The following RNF212B variants were observed in gnomAD, a reference collection of about 807,000 sequenced individuals.
The protein encoded by RNF212B is ring finger protein 212B.
A neutral mutation model predicts 55.5 loss-of-function variants in RNF212B; 52 were observed. That is an observed-to-expected ratio of 0.94 (90% CI 0.75 to 1.18). The LOEUF (loss-of-function observed/expected upper bound fraction) is 1.18, where lower values mean the gene tolerates loss of function less well. RNF212B is among the 50% of genes most tolerant of loss of function. The probability of loss-of-function intolerance (pLI) is 0.00; values close to 1 mark genes in which losing one functional copy is unlikely to be tolerated. For synonymous variants in RNF212B, 99 were observed against 121.4 expected, an observed-to-expected ratio of 0.82 and a Z score of 1.21; for missense variants, 289 against 350.4, an observed-to-expected ratio of 0.82 and a Z score of 1.40.
chr14:23,243,717 A>AAAAAAAAAAAGC (rs1566424491), intron 3 of RNF212B, among the ~76,000 whole-genome samples: 1 of 116,822 alleles, frequency 8.6e-6, no homozygotes, highest in African/African-American at 3.9e-5. Context: ...AAAAAAAAAA[A>AAAAAAAAAAAGC]AAGCAAGCAA....
In RNF212B at chr14:23,191,854, T is replaced by C. The variant is rs1199515955; in HGVS notation, c.-78-1471T>C. On this transcript the variant is annotated intron_variant, in intron 1 of 15. Coordinates refer to the RNF212B transcript ENST00000399910. ...TAGAAGGCACTCGACAAATACATAC[T>C]TATTCGATATTCATTGTATATTGAA... Among the ~76,000 whole-genome samples the C allele has an allele frequency of 7.2e-5, 11 of 152,384 alleles. No homozygotes were observed. The South Asian group carries it at 1.7e-3, about 23-fold the overall frequency.
intron 2 of RNF212B, among the ~76,000 whole-genome samples, chr14:23,193,781 A>G (rs1878358613): frequency 6.6e-6 from 1 of 151,576 alleles, no homozygotes; most frequent in Admixed American, 6.6e-5. Flanking sequence ...TGGAAAGAGA[A>G]GAAGAGTGGG....
chr14:23,202,199 C>A (rs1023188692), intron 2 of RNF212B, among the ~76,000 whole-genome samples: 1 of 150,328 alleles, frequency 6.7e-6, no homozygotes, highest in Non-Finnish European at 1.5e-5. Context: ...TGCAGTGAGC[C>A]GAGATTGCGC....
chr14:23,188,683 T>C (rs981743197), intron 1 of RNF212B, among the ~76,000 whole-genome samples: 1 of 152,100 alleles, frequency 6.6e-6, no homozygotes, highest in Non-Finnish European at 1.5e-5. Flanking sequence ...TTACCCAGGC[T>C]GATCTCAAAG....
chr14:23,236,433 T>C (rs942196896), upstream of RNF212B, among the ~76,000 whole-genome samples: 13 of 152,022 alleles, frequency 8.6e-5, no homozygotes, highest in Admixed American at 3.3e-4. Context: ...GAGAATCGCT[T>C]GAACCCAGGA....
intron 2 of RNF212B, among the ~76,000 whole-genome samples, chr14:23,230,928 G>A (rs1441099251): frequency 6.6e-6 from 1 of 152,138 alleles, no homozygotes; most frequent in Admixed American, 6.6e-5. Context: ...ACTGACCATA[G>A]ATGTGAGGGT....
rs546747026 is a variant in RNF212B at position 23,263,715 on chromosome 14, T to C, written c.525-459T>C. On this transcript the variant is annotated intron_variant, in intron 9 of 14. Coordinates refer to ENST00000430154, the MANE Select transcript of RNF212B (RefSeq NM_001282322.3). Reference sequence around the variant, plus strand: ...GGTGTTTTCCTCCCATCAATCCAGCTTCGGAGACTTTCTATTAGTGACATG... The same window carrying C: ...GGTGTTTTCCTCCCATCAATCCAGCCTCGGAGACTTTCTATTAGTGACATG... Among the ~76,000 whole-genome samples the C allele has an allele frequency of 7.2e-5, 11 of 152,246 alleles. No homozygotes were observed. The East Asian group carries it at 1.9e-3, about 27-fold the overall frequency.
At chr14:23,243,403 A>G in intron 3 of RNF212B, 95 bp downstream of exon 3, 1 of 1,199,796 alleles carries the variant, frequency 8.3e-7, no homozygotes, top group Non-Finnish European at 1.2e-6. Flanking sequence ...TTTCAAAAAG[A>G]AAGAAAAGAA....
At chr14:23,220,427 G>T (rs1017620110) in intron 2 of RNF212B, among the ~76,000 whole-genome samples, 2 of 152,088 alleles carry the variant, frequency 1.3e-5, no homozygotes, top group Non-Finnish European at 2.9e-5. Flanking sequence ...AGCTACTTGG[G>T]AGGCTGAGAC....
At position 23,272,919 on chromosome 14, in the gene RNF212B, G is replaced by GC; in HGVS notation, c.*29dup. On this transcript the variant is annotated 3_prime_UTR_variant, in exon 15 of 15. Transcript: ENST00000430154. ...CATCTTCAAGATCTGATCTATACAT[G>GC]CTGCTGAAGGATGGACTGTAGCTTC... The GC allele has an allele frequency of 7.4e-7, 1 of 1,355,010 alleles. No individual in the cohort carries two copies. Among genetic ancestry groups the GC allele is most frequent in the Non-Finnish European group, 1.0e-6 (1 of 985,578 alleles). The allele number at this position is 1,355,010 out of a possible 1,614,324, so 83.9% of individuals were successfully genotyped here.
intron 2 of RNF212B, among the ~76,000 whole-genome samples, chr14:23,216,259 CA>C (rs1455892715): frequency 2.0e-5 from 3 of 151,552 alleles, no homozygotes; most frequent in Non-Finnish European, 2.9e-5. Context: ...AAAACAAAAA[CA>C]AAACAAAACA....
chr14:23,192,148 G>A (rs11158038), intron 1 of RNF212B, among the ~76,000 whole-genome samples: 147,528 of 149,550 alleles, frequency 0.99, 72,793 homozygotes, highest in East Asian at 1. Context: ...AGGATCTAGA[G>A]CTAGAAATAC....
chr14:23,193,322 C>T (rs1418409279), intron 1 of RNF212B: 3 of 152,056 alleles, frequency 2.0e-5, no homozygotes, highest in Admixed American at 6.6e-5. Context: ...TGTTCTTTTT[C>T]AGAAAGCTGT....
At chr14:23,224,863 G>A (rs897860709) in intron 2 of RNF212B, among the ~76,000 whole-genome samples, 2 of 151,998 alleles carry the variant, frequency 1.3e-5, no homozygotes, top group African/African-American at 2.4e-5. Flanking sequence ...ATCTGACAAG[G>A]GATTAATAAC....
intron 11 of RNF212B, among the ~76,000 whole-genome samples, chr14:23,268,311 C>A (rs1237632029): frequency 6.6e-6 from 1 of 152,174 alleles, no homozygotes; most frequent in East Asian, 1.9e-4. Flanking sequence ...TGTTGGGTTT[C>A]ATCATGAGCA....
intron 2 of RNF212B, among the ~76,000 whole-genome samples, chr14:23,229,259 T>TAC (rs1555314100): frequency 5.7e-5 from 7 of 122,488 alleles, no homozygotes; most frequent in Non-Finnish European, 8.8e-5. Context: ...TATATATATA[T>TAC]ATACCACATT....
intron 2 of RNF212B, among the ~76,000 whole-genome samples, chr14:23,199,655 T>C (rs1011042437): frequency 2.6e-5 from 4 of 152,244 alleles, no homozygotes; most frequent in African/African-American, 9.6e-5. Context: ...CGAACGAAGA[T>C]TTTTAGCAGG....
At chr14:23,210,974 CT>C (rs1880452086) in intron 2 of RNF212B, among the ~76,000 whole-genome samples, 1 of 151,846 alleles carries the variant, frequency 6.6e-6, no homozygotes, top group African/African-American at 2.4e-5. Flanking sequence ...AACAAATTCA[CT>C]TTGGGAGGCC....
At chr14:23,237,668 A>G (rs943182035), upstream of RNF212B, among the ~76,000 whole-genome samples, 2 of 152,072 alleles carry the variant, frequency 1.3e-5, no homozygotes, top group African/African-American at 2.4e-5. Flanking sequence ...ATTAGGTTTT[A>G]TTTTCACCTT....
Sources: gnomAD v4.1 joint callset for allele counts (sites outside exome capture counted in the v4.1 genomes callset) on GRCh38, gnomAD v4.1.1 for gene constraint, MANE v1.5 for transcripts, NCBI Gene and HGNC (gene_info 2026-07-23, HGNC 2026-07-21) for gene names.